NALF1: variants seen among roughly 807,000 people sequenced by gnomAD.
NALF1 encodes family with sequence similarity 155 member A.
NALF1 carries 3 observed loss-of-function variants against 48.4 expected under a neutral mutation model. The ratio of observed to expected loss-of-function variants is 0.06; its 90% CI spans 0.03 to 0.16. The LOEUF is 0.16. NALF1 is among the 10% of genes least tolerant of loss of function. The pLI is 1.00. For synonymous variants in NALF1, 262 were observed against 245.7 expected (o/e 1.07, Z -0.62); for missense variants, 526 against 571.5 (o/e 0.92, Z 0.81).
At chr13:107,606,629 G>C (rs1261712347) in intron 1 of NALF1, among the ~76,000 whole-genome samples, 1 of 152,022 alleles carries the variant, frequency 6.6e-6, no homozygotes, top group African/African-American at 2.4e-5. Flanking sequence ...GCCTTCCAAA[G>C]TGCTAAGATT....
At chr13:107,581,395 ATT>A (rs1878304223) in intron 1 of NALF1, among the ~76,000 whole-genome samples, 1 of 152,178 alleles carries the variant, frequency 6.6e-6, no homozygotes, top group African/African-American at 2.4e-5. Flanking sequence ...CCTACTTAGC[ATT>A]TGTCTTAATT....
At chr13:107,544,025 G>A (rs957837173) in intron 1 of NALF1, among the ~76,000 whole-genome samples, 11 of 151,780 alleles carry the variant, frequency 7.2e-5, no homozygotes, top group Middle Eastern at 3.2e-3. Flanking sequence ...GTTTACAGTC[G>A]GAACAACAAT....
At chr13:107,475,363 G>A (rs1885163064) in intron 1 of NALF1, among the ~76,000 whole-genome samples, 1 of 152,112 alleles carries the variant, frequency 6.6e-6, no homozygotes, top group Non-Finnish European at 1.5e-5. Context: ...GTACTTTGAA[G>A]GTTTGCGTTA....
In NALF1 at chr13:107,303,138, C is replaced by T. The variant is rs545416065; in HGVS notation, c.916-92383G>A. 4.6e-5 allele frequency among the ~76,000 whole-genome samples: 7 copies of T among 152,182 alleles called. No homozygotes were observed. In the East Asian group the frequency reaches 1.4e-3, roughly 29 times the overall value. The stretch of plus-strand genomic sequence containing the variant: ...CATTTTTATTCGACTTCCCTAATGT[C>T]TGATCGTTTTAAGCTTTTTTTCATG... On this transcript the variant is annotated intron_variant, in intron 1 of 2. Coordinates refer to ENST00000375915, the MANE Select transcript of NALF1 (RefSeq NM_001080396.3).
chr13:107,337,450 G>A (rs1377599990), intron 1 of NALF1, among the ~76,000 whole-genome samples: 1 of 151,932 alleles, frequency 6.6e-6, no homozygotes, highest in Non-Finnish European at 1.5e-5. Flanking sequence ...AGGGAGTTGA[G>A]GTGTATTTTG....
intron 1 of NALF1, among the ~76,000 whole-genome samples, chr13:107,530,231 C>T (rs1438283942): frequency 6.6e-6 from 1 of 152,040 alleles, no homozygotes; most frequent in African/African-American, 2.4e-5. Context: ...AAAGCTCTGT[C>T]CAAAGACAAA....
At chr13:107,810,895 C>G (rs376086372) in intron 1 of NALF1, among the ~76,000 whole-genome samples, 2 of 152,156 alleles carry the variant, frequency 1.3e-5, no homozygotes, top group African/African-American at 4.8e-5. Context: ...CCTCTCTATT[C>G]TGTCCTCTTC....
intron 1 of NALF1, among the ~76,000 whole-genome samples, chr13:107,513,288 C>G (rs1875954509): frequency 6.6e-6 from 1 of 152,146 alleles, no homozygotes; most frequent in South Asian, 2.1e-4. Flanking sequence ...AAATGTGAAT[C>G]TGAAGTTATT....
chr13:107,839,209 G>A (rs1043006853), intron 1 of NALF1, among the ~76,000 whole-genome samples: 2 of 151,852 alleles, frequency 1.3e-5, no homozygotes, highest in African/African-American at 4.8e-5. Flanking sequence ...ATGCCATGCA[G>A]ATGAAGCCAT....
intron 1 of NALF1, among the ~76,000 whole-genome samples, chr13:107,644,746 C>G (rs1342697035): frequency 6.7e-6 from 1 of 149,638 alleles, no homozygotes; most frequent in Non-Finnish European, 1.5e-5. Flanking sequence ...TGGTCTTAAA[C>G]ATATTTTTAA....
In NALF1 at chr13:107,164,261, C is replaced by G. The variant is rs1299926830; in HGVS notation, c.*6236G>C. ...CTCACCTACCTAAATAGATACAAATCAATGAAATAATTTACTCAAGAGCCC... is the reference window on the plus strand; with the variant it reads ...CTCACCTACCTAAATAGATACAAATGAATGAAATAATTTACTCAAGAGCCC... On this transcript the variant is annotated 3_prime_UTR_variant, in exon 3 of 3. Coordinates refer to ENST00000375915, the MANE Select transcript of NALF1 (RefSeq NM_001080396.3). 1.3e-5 allele frequency: 2 copies of G among 152,108 alleles called. No individual in the cohort carries two copies. Among genetic ancestry groups the G allele is most frequent in the Non-Finnish European group, 2.9e-5 (2 of 68,016 alleles). The allele number at this position is 152,108 out of a possible 1,614,324, so 9.4% of individuals were successfully genotyped here.
chr13:107,754,364 C>CAT, intron 1 of NALF1, among the ~76,000 whole-genome samples: 1 of 96,134 alleles, frequency 1.0e-5, no homozygotes. Context: ...AACACACACA[C>CAT]ACACACACAC....
At chr13:107,562,007 A>C (rs1877662426) in intron 1 of NALF1, among the ~76,000 whole-genome samples, 1 of 152,210 alleles carries the variant, frequency 6.6e-6, no homozygotes, top group South Asian at 2.1e-4. Flanking sequence ...CATCCCTTGA[A>C]TTTAAGAATA....
At chr13:107,355,521 T>C (rs1195603713) in intron 1 of NALF1, among the ~76,000 whole-genome samples, 1 of 152,132 alleles carries the variant, frequency 6.6e-6, no homozygotes, top group Non-Finnish European at 1.5e-5. Flanking sequence ...GAATTGTAGT[T>C]CCTATTGCTC....
chr13:107,230,345 C>A (rs1458016180), intron 1 of NALF1, among the ~76,000 whole-genome samples: 2 of 152,004 alleles, frequency 1.3e-5, no homozygotes, highest in East Asian at 3.9e-4. Context: ...TCCCTCATCT[C>A]TATACTCCCT....
At chr13:107,847,943 C>T (rs931211011) in intron 1 of NALF1, among the ~76,000 whole-genome samples, 4 of 152,142 alleles carry the variant, frequency 2.6e-5, no homozygotes, top group Admixed American at 2.0e-4. Flanking sequence ...TAAACTGAAC[C>T]TGCTTCACTT....
intron 2 of NALF1, among the ~76,000 whole-genome samples, chr13:107,199,885 G>A (rs1879474507): frequency 6.6e-6 from 1 of 152,198 alleles, no homozygotes. Context: ...GTGGGCGGGA[G>A]CATTGCAGGC....
intron 1 of NALF1, among the ~76,000 whole-genome samples, chr13:107,360,934 C>G (rs1883050284): frequency 6.6e-6 from 1 of 151,824 alleles, no homozygotes. Flanking sequence ...GTAGAGTTTC[C>G]TACAATCTTA....
At chr13:107,569,961 CATT>C (rs1341110313) in intron 1 of NALF1, among the ~76,000 whole-genome samples, 10 of 151,922 alleles carry the variant, frequency 6.6e-5, no homozygotes, top group African/African-American at 2.4e-4. Flanking sequence ...ACTGCAAAGA[CATT>C]GTATTTTTTT....
Sources: allele counts gnomAD v4.1 joint callset (sites outside exome capture counted in the v4.1 genomes callset), GRCh38; gene constraint gnomAD v4.1.1; transcripts MANE v1.5; gene names NCBI Gene and HGNC (gene_info 2026-07-23, HGNC 2026-07-21).